MIPEP: variants seen among roughly 807,000 people sequenced by gnomAD.
The protein encoded by MIPEP is mitochondrial intermediate peptidase.
In MIPEP, 79 loss-of-function variants were observed where a neutral mutation model predicts 90.3. That is an observed-to-expected ratio of 0.87 (90% CI 0.73 to 1.05). The LOEUF (loss-of-function observed/expected upper bound fraction) is 1.05. Among genes scored for constraint, MIPEP ranks in the 50% least tolerant of loss-of-function variants. The pLI is 0.00. For synonymous variants in MIPEP, 334 were observed against 315.8 expected, an observed-to-expected ratio of 1.06 and a Z score of -0.61; for missense variants, 940 against 905.6, an observed-to-expected ratio of 1.04 and a Z score of -0.49.
Position 23,841,405 on chromosome 13 carries a change from A to C in MIPEP, c.1190T>G (p.Leu397Arg). Residue 397 changes from leucine to arginine, a missense_variant, in exon 11 of 19, where the codon CTG becomes CGG. Leu to Arg is a moderately radical substitution (Grantham distance 102). Transcript: ENST00000382172. ...MEGLNILLNR[L>R]LGISLYAEQP... ...CTCTGCATATAATGAAATCCCCAAC[A>C]GTCTGTTAAGCAAAATATTCAGGCC... 6.2e-7 allele frequency: 1 copy of C among 1,614,194 alleles called. No individual in the cohort carries two copies. The highest frequency in any genetic ancestry group is 8.5e-7 in the Non-Finnish European group (1 of 1,180,030).
chr13:23,822,349 A>G (rs984354758), intron 14 of MIPEP, among the ~76,000 whole-genome samples: 1 of 152,226 alleles, frequency 6.6e-6, no homozygotes, highest in Non-Finnish European at 1.5e-5. Flanking sequence ...CAGCCTGTCT[A>G]ATATGCTAAA....
intron 16 of MIPEP, among the ~76,000 whole-genome samples, chr13:23,764,509 CTG>C (rs369727712): frequency 5.3e-5 from 8 of 152,300 alleles, no homozygotes; most frequent in African/African-American, 1.9e-4. Flanking sequence ...CACTCAGTAA[CTG>C]TGTGCTAGAT....
intron 16 of MIPEP, among the ~76,000 whole-genome samples, chr13:23,779,416 T>G (rs894370734): frequency 2.0e-5 from 3 of 151,958 alleles, no homozygotes; most frequent in Admixed American, 1.3e-4. Flanking sequence ...AGGATAAACA[T>G]CCCATTCACA....
intron 16 of MIPEP, among the ~76,000 whole-genome samples, chr13:23,785,586 GCA>G (rs967140721): frequency 7.5e-5 from 11 of 147,206 alleles, no homozygotes; most frequent in African/African-American, 2.8e-4. Context: ...TAATGAACCT[GCA>G]CATTGTGCAC....
intron 1 of MIPEP, among the ~76,000 whole-genome samples, 168 bp from the exon 2 acceptor site, chr13:23,886,674 T>C (rs555870062): frequency 6.6e-6 from 1 of 152,240 alleles, no homozygotes; most frequent in South Asian, 2.1e-4. Flanking sequence ...TCACTCCACA[T>C]AAATTACACT....
At chr13:23,869,976 T>A in intron 6 of MIPEP, 37 bp downstream of exon 6, 1 of 1,488,208 alleles carries the variant, frequency 6.7e-7, no homozygotes, top group Non-Finnish European at 9.0e-7. Flanking sequence ...AACACACAAA[T>A]GGGACCTAAA....
At chr13:23,781,756 G>C (rs1230507847) in intron 16 of MIPEP, among the ~76,000 whole-genome samples, 3 of 152,114 alleles carry the variant, frequency 2.0e-5, no homozygotes, top group Non-Finnish European at 4.4e-5. Context: ...AGGGATGGAG[G>C]AAGATCTACC....
chr13:23,871,695 T>C (rs1275778994), intron 5 of MIPEP, among the ~76,000 whole-genome samples: 4 of 152,238 alleles, frequency 2.6e-5, no homozygotes, highest in African/African-American at 7.2e-5. Context: ...AAATTGAGTA[T>C]ATATCAATAT....
intron 10 of MIPEP, among the ~76,000 whole-genome samples, chr13:23,844,881 A>C (rs1403833175): frequency 1.3e-5 from 2 of 152,212 alleles, no homozygotes; most frequent in African/African-American, 4.8e-5. Context: ...ATATTACCCT[A>C]AAATGATTGG....
intron 16 of MIPEP, among the ~76,000 whole-genome samples, chr13:23,771,716 G>A (rs1256282602): frequency 6.6e-6 from 1 of 152,084 alleles, no homozygotes; most frequent in African/African-American, 2.4e-5. Flanking sequence ...TCTGAAACCC[G>A]TGAAATGTGG....
intron 16 of MIPEP, among the ~76,000 whole-genome samples, chr13:23,788,359 T>C (rs1000035415): frequency 6.6e-6 from 1 of 152,216 alleles, no homozygotes; most frequent in African/African-American, 2.4e-5. Flanking sequence ...GTTTGCTCCT[T>C]GAGCATACAA....
At position 23,730,409 on chromosome 13, in the gene MIPEP, A is replaced by AAG; in HGVS notation, c.2080_2081insCT (p.Val694AlafsTer2). ...ATCCAAGTCGGAAACGAGGGCACTT[A>AAG]CGAAGTCATCAACAGAAGGACACTT... On this transcript the variant is annotated frameshift_variant, in exon 19 of 19. Coordinates refer to ENST00000382172, the MANE Select transcript of MIPEP (RefSeq NM_005932.4). LOFTEE classifies it high-confidence loss of function. 6.2e-7 allele frequency: 1 copy of AAG among 1,612,842 alleles called. No homozygotes were observed. Among genetic ancestry groups the AAG allele is most frequent in the Non-Finnish European group, 8.5e-7 (1 of 1,179,112 alleles).
intron 10 of MIPEP, among the ~76,000 whole-genome samples, chr13:23,851,891 G>A (rs116474974): frequency 9.0e-4 from 137 of 152,190 alleles, no homozygotes; most frequent in African/African-American, 3.2e-3. Flanking sequence ...GTGACACAAA[G>A]TATACAACAT....
chr13:23,829,994 T>A (rs960916283), intron 14 of MIPEP, among the ~76,000 whole-genome samples: 3 of 152,204 alleles, frequency 2.0e-5, no homozygotes, highest in African/African-American at 7.2e-5. Flanking sequence ...AAACCATTGC[T>A]GAGAGGAGTA....
At chr13:23,841,900 T>C (rs1869314225) in intron 10 of MIPEP, among the ~76,000 whole-genome samples, 2 of 152,148 alleles carry the variant, frequency 1.3e-5, no homozygotes, top group African/African-American at 4.8e-5. Context: ...TACATAAATA[T>C]TAAATGAATA....
intron 18 of MIPEP, among the ~76,000 whole-genome samples, chr13:23,730,908 C>A (rs1430263421): frequency 1.3e-5 from 2 of 152,138 alleles, no homozygotes; most frequent in African/African-American, 4.8e-5. Flanking sequence ...TATTGGCTCT[C>A]CTCCAGATTT....
chr13:23,801,687 T>C lies in MIPEP; in HGVS notation c.1848+4263A>G, dbSNP rs182962087. Among the ~76,000 whole-genome samples the C allele has an allele frequency of 1.5e-4, 23 of 152,360 alleles. 1 individual carries two copies. In the East Asian group the frequency reaches 3.8e-3, roughly 25 times the overall value. On this transcript the variant is annotated intron_variant, in intron 16 of 18. Coordinates refer to ENST00000382172, the MANE Select transcript of MIPEP (RefSeq NM_005932.4). Reference sequence around the variant, plus strand: ...TGCATCACTCTGAACTTTATATAAATGTACTAGTTTGATTCATCTGGTATT... The same window carrying C: ...TGCATCACTCTGAACTTTATATAAACGTACTAGTTTGATTCATCTGGTATT...
intron 18 of MIPEP, among the ~76,000 whole-genome samples, chr13:23,748,016 G>A (rs571178443): frequency 3.3e-4 from 51 of 152,286 alleles, no homozygotes; most frequent in African/African-American, 1.2e-3. Flanking sequence ...TGGTATTACA[G>A]GCATGAGCCA....
intron 1 of MIPEP, among the ~76,000 whole-genome samples, chr13:23,887,348 C>T (rs1453996878): frequency 6.6e-6 from 1 of 152,162 alleles, no homozygotes; most frequent in Non-Finnish European, 1.5e-5. Context: ...AGTGTGCCTG[C>T]TACTTTACAT....
Sources: allele counts gnomAD v4.1 joint callset (sites outside exome capture counted in the v4.1 genomes callset), GRCh38; gene constraint gnomAD v4.1.1; transcripts MANE v1.5; gene names NCBI Gene and HGNC (gene_info 2026-07-23, HGNC 2026-07-21).